IZUMO1: variants seen among roughly 807,000 people sequenced by gnomAD.
IZUMO1 encodes the protein izumo sperm-oocyte fusion 1, also known as izumo sperm-egg fusion protein 1.
Under a neutral mutation model 40.7 loss-of-function variants are expected in IZUMO1, and 44 were observed. The observed-to-expected ratio is 1.08, with a 90% CI of 0.85 to 1.39. IZUMO1 has a LOEUF of 1.39. Among genes scored for constraint, IZUMO1 ranks in the 40% most tolerant of loss-of-function variants. IZUMO1 has a pLI of 0.00. For synonymous variants in IZUMO1, 149 were observed against 170.9 expected, an observed-to-expected ratio of 0.87 and a Z score of 1.00; for missense variants, 368 against 436.9, an observed-to-expected ratio of 0.84 and a Z score of 1.41.
In IZUMO1 at chr19:48,741,014, C is replaced by T; in HGVS notation, c.947G>A (p.Arg316Lys). ...TGLTFAIFRR[R>K]KVIDFIKSSL... ...GGATTTGATGAAATCGATCACCTTCCTTCGACGAAATATCCTAGGGGTGGG... is the reference window on the plus strand; with the variant it reads ...GGATTTGATGAAATCGATCACCTTCTTTCGACGAAATATCCTAGGGGTGGG... Residue 316 changes from arginine to lysine, a missense_variant, in exon 10 of 10, where the codon AGG (arginine) becomes AAG (lysine). Transcript: ENST00000332955. The surrounding 1 kb of genome is among the most constrained non-coding windows in gnomAD (Gnocchi z 4.4). 1 of 1,614,066 alleles carries T rather than the reference C, an allele frequency of 6.2e-7. No individual in the cohort carries two copies. The highest frequency in any genetic ancestry group is 8.5e-7 in the Non-Finnish European group (1 of 1,179,996).
At chr19:48,743,171 A>C (rs2033771739) in intron 6 of IZUMO1, 1 of 439,160 alleles carries the variant, frequency 2.3e-6, no homozygotes, top group Admixed American at 3.6e-5. Context: ...GGACTACAGG[A>C]ACGCAACACC....
Position 48,745,821 on chromosome 19 carries a change from G to A in IZUMO1, c.39C>T (p.Ala13=), listed in dbSNP as rs752961418. Residue 13 remains alanine, a synonymous_variant, in exon 2 of 10, where the codon GCC becomes GCT. Transcript: ENST00000332955. ...PHFTLLCAAL[A]GCLLPAEGCV... is the part of the protein sequence containing the mutation. The stretch of plus-strand genomic sequence containing the variant: ...ACCCCTCGGCAGGAAGCAAGCAACC[G>A]GCCAGCGCCGCACACAGGAGGGTAA... 2 of 1,614,174 alleles carry A rather than the reference G, an allele frequency of 1.2e-6. No homozygotes were observed. The highest frequency in any genetic ancestry group is 1.7e-6 in the Non-Finnish European group (2 of 1,180,048).
chr19:48,742,098 C>G (rs2033720044), intron 7 of IZUMO1, 111 bp downstream of exon 7: 1 of 1,477,876 alleles, frequency 6.8e-7, no homozygotes, highest in Non-Finnish European at 9.3e-7. Flanking sequence ...GAGACCACAC[C>G]TAATAGACCA....
chr19:48,742,490 G>C (rs908240532), intron 6 of IZUMO1, among the ~76,000 whole-genome samples, 181 bp from the exon 7 acceptor site: 1 of 152,048 alleles, frequency 6.6e-6, no homozygotes, highest in South Asian at 2.1e-4. Flanking sequence ...TGGGACTACA[G>C]GCGCTTGCCA....
At chr19:48,743,567 G>C (rs754412480) in intron 5 of IZUMO1, 42 bp from the exon 6 acceptor site, 3 of 1,489,778 alleles carry the variant, frequency 2.0e-6, no homozygotes, top group Non-Finnish European at 2.8e-6. Flanking sequence ...CCACTAAGGG[G>C]CATGGCTAAA....
At position 48,740,955 on chromosome 19, in the gene IZUMO1, G is replaced by T; in HGVS notation, c.1006C>A (p.Gln336Lys). Residue 336 changes from glutamine to lysine, a missense_variant, in exon 10 of 10, where the codon CAA becomes AAA. Gln to Lys is a moderately conservative substitution (Grantham distance 53). Transcript: ENST00000332955. This position sits in a 1 kb window ranked among gnomAD's most constrained non-coding sequence, Gnocchi z 5.5. ...LFGLGSGAAE[Q>K]TQVPKEKATD... ...GCCTTTTCTTTTGGGACCTGGGTTT[G>T]CTCGGCCGCTCCACTGCCAAGGCCA... 2 of 1,614,162 alleles carry T rather than the reference G, an allele frequency of 1.2e-6. No homozygotes were observed. The highest frequency in any genetic ancestry group is 1.1e-5 in the South Asian group (1 of 91,086).
At chr19:48,742,053 C>T (rs2033717204) in intron 7 of IZUMO1, 111 bp from the exon 8 acceptor site, 2 of 1,530,996 alleles carry the variant, frequency 1.3e-6, no homozygotes, top group Admixed American at 2.0e-5. Context: ...TCCAGGGTGT[C>T]ACTGGTCAGG....
chr19:48,745,788 T>C lies in IZUMO1; in HGVS notation c.72A>G (p.Ile24Met). The change falls in exon 2 of 10, where the codon ATA becomes ATG. Residue 24 changes from isoleucine (I) to methionine (M), a missense_variant. Physicochemically the swap from Ile to Met is conservative, Grantham distance 10 (BLOSUM62 1). Transcript: ENST00000332955. The stretch of plus-strand genomic sequence containing the variant: ...GCGCCAGCACGACAGACGGGTCACA[T>C]ATAACACACCCCTCGGCAGGAAGCA... ...GCLLPAEGCV[I>M]CDPSVVLALK... 2 of 1,614,136 alleles carry C rather than the reference T, an allele frequency of 1.2e-6. No homozygotes were observed. The highest frequency in any genetic ancestry group is 1.3e-5 in the African/African-American group (1 of 75,032).
At position 48,743,443 on chromosome 19, in the gene IZUMO1, AC is replaced by A. The variant is rs1184797965; in HGVS notation, c.499+1del. ...TCCTCCTGCTGGGTCCAGTTCTCTC[AC>A]CCCCGCAATCGTAGGACTTTCGACA... On this transcript the variant is annotated splice_donor_variant, in intron 6 of 9. Transcript: ENST00000332955. LOFTEE classifies it high-confidence loss of function. 2 of 1,612,900 alleles carry A rather than the reference AC, an allele frequency of 1.2e-6. No individual in the cohort carries two copies. Among genetic ancestry groups the A allele is most frequent in the African/African-American group, 2.7e-5 (2 of 74,442 alleles).
chr19:48,746,015 A>G, intron 1 of IZUMO1, 83 bp from the exon 2 acceptor site: 2 of 1,447,654 alleles, frequency 1.4e-6, no homozygotes, highest in Non-Finnish European at 1.8e-6. Context: ...CGAAAAGAGG[A>G]TCTTCAGGAA....
chr19:48,744,264 T>G, intron 4 of IZUMO1, 69 bp from the exon 5 acceptor site: 2 of 1,481,998 alleles, frequency 1.3e-6, no homozygotes, highest in Non-Finnish European at 1.9e-6. Flanking sequence ...TGAAAGACGA[T>G]GGAAGAGGGG....
intron 2 of IZUMO1, 99 bp downstream of exon 2, chr19:48,745,526 C>G: frequency 7.0e-7 from 1 of 1,437,126 alleles, no homozygotes. Context: ...CTTCTCCATT[C>G]CCGAATCCCG....
At chr19:48,744,381 A>G in intron 4 of IZUMO1, 72 bp downstream of exon 4, 5 of 1,313,132 alleles carry the variant, frequency 3.8e-6, no homozygotes, top group Non-Finnish European at 5.5e-6. Context: ...TGGAGAAGTA[A>G]GGGGCTGGAG....
At chr19:48,743,384 G>T in intron 6 of IZUMO1, 61 bp downstream of exon 6, 2 of 1,523,484 alleles carry the variant, frequency 1.3e-6, no homozygotes, top group Non-Finnish European at 1.8e-6. Context: ...TCTCTAGACT[G>T]CCTCTCCTCT....
rs1489379396 is a variant in IZUMO1 at position 48,741,041 on chromosome 19, GT to G, written c.933-14del. ...TCGACGAAATATCCTAGGGGTGGGA[GT>G]GGGGTGCAGATCATGGAACCGGTTT... is the stretch of plus-strand genomic sequence containing the variant. On this transcript the variant is annotated splice_polypyrimidine_tract_variant and intron_variant, in intron 9 of 9. Coordinates refer to ENST00000332955, the MANE Select transcript of IZUMO1 (RefSeq NM_182575.3). This position sits in a 1 kb window ranked among gnomAD's most constrained non-coding sequence, Gnocchi z 4.4. 2 of 1,613,448 alleles carry G rather than the reference GT, an allele frequency of 1.2e-6. No individual in the cohort carries two copies. Among genetic ancestry groups the G allele is most frequent in the East Asian group, 4.5e-5 (2 of 44,900 alleles).
In IZUMO1 at chr19:48,741,897, C is replaced by T; in HGVS notation, c.646G>A (p.Ala216Thr). Reference protein sequence around the residue: ...TETLVSKGKEATLTKPMVGPE... With the variant: ...TETLVSKGKETTLTKPMVGPE... ...CCCACCATGGGCTTGGTCAGGGTGG[C>T]CTCTTTCCCCTTGGACACCAAGGTC... is the stretch of plus-strand genomic sequence containing the variant. Residue 216 changes from alanine (A) to threonine (T), a missense_variant, in exon 8 of 10, where the codon GCC (alanine) becomes ACC (threonine). Transcript: ENST00000332955. This position sits in a 1 kb window ranked among gnomAD's most constrained non-coding sequence, Gnocchi z 4.4. 6.2e-7 allele frequency: 1 copy of T among 1,611,830 alleles called. No individual in the cohort carries two copies. The highest frequency in any genetic ancestry group is 1.1e-5 in the South Asian group (1 of 90,968).
intron 6 of IZUMO1, chr19:48,743,130 A>T (rs1174681000): frequency 5.6e-6 from 2 of 360,120 alleles, no homozygotes; most frequent in East Asian, 1.3e-4. Context: ...GGGTCCAAGC[A>T]ATCCTCCTGC....
At chr19:48,745,001 A>G (rs2033836521) in intron 3 of IZUMO1, among the ~76,000 whole-genome samples, 1 of 152,096 alleles carries the variant, frequency 6.6e-6, no homozygotes, top group Non-Finnish European at 1.5e-5. Flanking sequence ...CCGGCCAGCA[A>G]TACACATTTA....
At chr19:48,742,803 C>T (rs1471014218) in intron 6 of IZUMO1, among the ~76,000 whole-genome samples, 1 of 142,176 alleles carries the variant, frequency 7.0e-6, no homozygotes, top group Non-Finnish European at 1.5e-5. Context: ...TCTTATCTCA[C>T]TACAACCTTC....
Sources: allele counts gnomAD v4.1 joint callset (sites outside exome capture counted in the v4.1 genomes callset), GRCh38; gene constraint gnomAD v4.1.1; non-coding constraint Gnocchi (gnomAD v3.1); transcripts MANE v1.5; gene names NCBI Gene and HGNC (gene_info 2026-07-23, HGNC 2026-07-21).